The following SCML2 variants were observed in gnomAD, a reference collection of about 807,000 sequenced individuals.
SCML2 encodes sex comb on midleg-like protein 2.
SCML2 carries 6 observed loss-of-function variants against 48.4 expected under a neutral mutation model. The observed-to-expected ratio is 0.12, with a 90% CI of 0.07 to 0.24. The LOEUF is 0.24. SCML2 is among the 10% of genes least tolerant of loss of function. The pLI is 1.00. For missense variants in SCML2, 377 were observed against 528.2 expected (o/e 0.71, Z 2.81); for synonymous variants, 181 against 189.5 (o/e 0.95, Z 0.37).
At chrX:18,268,765 A>G (rs192203295) in intron 7 of SCML2, among the ~76,000 whole-genome samples, 254 of 109,749 alleles carry the variant, frequency 2.3e-3, no homozygotes, top group African/African-American at 8.0e-3. Flanking sequence ...CTTAAAGTAT[A>G]ATAATAAAAA....
At chrX:18,354,565 C>A in intron 1 of SCML2, 27 bp downstream of exon 1, 1 of 272,407 alleles carries the variant, frequency 3.7e-6, no homozygotes, top group Non-Finnish European at 6.5e-6. Context: ...CTCTCCATTC[C>A]TTACGGGGCC....
In SCML2 at chrX:18,324,060, C is replaced by T. The variant is rs1929405699; in HGVS notation, c.196G>A (p.Gly66Ser). Residue 66 changes from glycine to serine, a missense_variant, in exon 5 of 15, where the codon GGT becomes AGT. Gly to Ser is a moderately conservative substitution (Grantham distance 56, BLOSUM62 0). Coordinates refer to ENST00000251900, the MANE Select transcript of SCML2 (RefSeq NM_006089.3). ...GGGTCACGGGCTTCCAATTTCATAC[C>T]AACTTTGAAATCATTCACAGGTGGA... is the stretch of plus-strand genomic sequence containing the variant. The part of the protein sequence containing the change: ...QIPPVNDFKV[G>S]MKLEARDPRN... 1 of 1,204,973 alleles carries T rather than the reference C, an allele frequency of 8.3e-7. No individual in the cohort carries two copies. Among genetic ancestry groups the T allele is most frequent in the Admixed American group, 2.2e-5 (1 of 45,514 alleles).
chrX:18,304,682 C>G (rs187225867), intron 7 of SCML2, among the ~76,000 whole-genome samples: 1 of 111,802 alleles, frequency 8.9e-6, no homozygotes, highest in Admixed American at 9.4e-5. Flanking sequence ...TACATACCAC[C>G]CCCCTTGCTT....
chrX:18,304,032 T>TGTGG (rs1569154471), intron 7 of SCML2, among the ~76,000 whole-genome samples: 2 of 112,104 alleles, frequency 1.8e-5, no homozygotes, highest in Non-Finnish European at 1.9e-5. Context: ...CCCACTAAGT[T>TGTGG]GATTTTTCAT....
At chrX:18,349,193 G>A (rs930557075) in intron 1 of SCML2, among the ~76,000 whole-genome samples, 6 of 112,015 alleles carry the variant, frequency 5.4e-5, no homozygotes, top group Admixed American at 1.9e-4. Flanking sequence ...ACAACAGTAC[G>A]TTACCACTAA....
chrX:18,290,075 A>C lies in SCML2; in HGVS notation c.730+14897T>G, dbSNP rs942000349. Among the ~76,000 whole-genome samples, 8 of 112,123 alleles carry C rather than the reference A, an allele frequency of 7.1e-5. 1 individual carries two copies. In the South Asian group the frequency reaches 1.8e-3, roughly 26 times the overall value. ...CCACTCCCTTAAAGTTTTAATTAAG[A>C]AAAAACTAAACCACACACATACTTG... On this transcript the variant is annotated intron_variant, in intron 7 of 14. Transcript: ENST00000251900.
At chrX:18,250,635 G>A (rs1926621470) in intron 11 of SCML2, among the ~76,000 whole-genome samples, 1 of 109,948 alleles carries the variant, frequency 9.1e-6, no homozygotes, top group Non-Finnish European at 1.9e-5. Context: ...CACCCACCTC[G>A]GCCTCCCAAA....
chrX:18,271,020 G>C (rs1927440339), intron 7 of SCML2, among the ~76,000 whole-genome samples: 1 of 111,313 alleles, frequency 9.0e-6, no homozygotes, highest in Non-Finnish European at 1.9e-5. Flanking sequence ...TCCAAGAAAT[G>C]ATAATTATTG....
chrX:18,242,386 A>C, intron 14 of SCML2, 53 bp downstream of exon 14: 2 of 1,130,727 alleles, frequency 1.8e-6, no homozygotes, highest in Non-Finnish European at 2.4e-6. Flanking sequence ...GGGCCTGCAC[A>C]GAGGTCATTC....
chrX:18,329,103 T>C (rs188515978), intron 3 of SCML2, among the ~76,000 whole-genome samples: 1 of 111,680 alleles, frequency 9.0e-6, no homozygotes, highest in African/African-American at 3.2e-5. Context: ...GTTGCACAAC[T>C]CTGTGAACAT....
chrX:18,303,311 T>C lies in SCML2; in HGVS notation c.730+1661A>G, dbSNP rs751738586. ...TAAGAAAAAAAGAGAGAAGAAATAC[T>C]GGAGGACAACAGCATTCTCAGCCAC... On this transcript the variant is annotated intron_variant, in intron 7 of 14. Coordinates refer to ENST00000251900, the MANE Select transcript of SCML2 (RefSeq NM_006089.3). Among the ~76,000 whole-genome samples the C allele has an allele frequency of 7.1e-5, 8 of 112,092 alleles. No homozygotes were observed. The East Asian group carries it at 2.0e-3, about 28-fold the overall frequency.
intron 6 of SCML2, among the ~76,000 whole-genome samples, chrX:18,313,805 C>A (rs1929033512): frequency 8.9e-6 from 1 of 112,023 alleles, no homozygotes; most frequent in Non-Finnish European, 1.9e-5. Context: ...TTCTTCCAGC[C>A]TTTGCCAGTT....
chrX:18,263,253 A>G (rs1430771214), intron 8 of SCML2, among the ~76,000 whole-genome samples: 2 of 111,018 alleles, frequency 1.8e-5, no homozygotes, highest in African/African-American at 3.3e-5. Flanking sequence ...AAATCTTGCA[A>G]TGATATAGGA....
At chrX:18,290,000 A>ATT (rs1928178215) in intron 7 of SCML2, among the ~76,000 whole-genome samples, 1 of 111,807 alleles carries the variant, frequency 8.9e-6, no homozygotes, top group Admixed American at 9.5e-5. Context: ...AAACTACTAA[A>ATT]GTGACCAGTT....
chrX:18,305,248 T>C (rs1484212329), intron 6 of SCML2, 33 bp from the exon 7 acceptor site: 2 of 1,148,393 alleles, frequency 1.7e-6, no homozygotes, highest in East Asian at 3.0e-5. Context: ...AAAGATTTCA[T>C]TGTTAAGATG....
chrX:18,289,220 A>T (rs1928154205), intron 7 of SCML2, among the ~76,000 whole-genome samples: 1 of 112,477 alleles, frequency 8.9e-6, no homozygotes, highest in Admixed American at 9.4e-5. Flanking sequence ...GAAGCAAGAA[A>T]GAAAAATCTC....
At chrX:18,340,459 G>A (rs190947422) in intron 1 of SCML2, among the ~76,000 whole-genome samples, 76 of 111,799 alleles carry the variant, frequency 6.8e-4, no homozygotes, top group African/African-American at 2.0e-3. Context: ...GAAAATCTCC[G>A]CTATTCTTAA....
chrX:18,331,915 G>A (rs1161019890), intron 2 of SCML2, among the ~76,000 whole-genome samples: 1 of 112,013 alleles, frequency 8.9e-6, no homozygotes, highest in East Asian at 2.8e-4. Context: ...TTTCAATCCA[G>A]AAGAGTTTGG....
intron 1 of SCML2, among the ~76,000 whole-genome samples, chrX:18,348,710 A>G (rs886126125): frequency 8.9e-6 from 1 of 112,122 alleles, no homozygotes; most frequent in Non-Finnish European, 1.9e-5. Flanking sequence ...TGCTTTTCAA[A>G]TAACATTAAA....
Sources: gnomAD v4.1 joint callset for allele counts (sites outside exome capture counted in the v4.1 genomes callset) on GRCh38, gnomAD v4.1.1 for gene constraint, MANE v1.5 for transcripts, NCBI Gene and HGNC (gene_info 2026-07-23, HGNC 2026-07-21) for gene names.